The following ACTN1 variants were observed in gnomAD, a reference collection of about 807,000 sequenced individuals.
ACTN1 encodes the protein actinin alpha 1.
Under a neutral mutation model 119.6 loss-of-function variants are expected in ACTN1, and 30 were observed. That is an observed-to-expected ratio of 0.25 (90% CI 0.19 to 0.34). ACTN1 has a LOEUF of 0.34. Among genes scored for constraint, ACTN1 ranks in the 10% least tolerant of loss-of-function variants. The probability of loss-of-function intolerance (pLI) is 1.00; values close to 1 mark genes in which losing one functional copy is unlikely to be tolerated. For missense variants in ACTN1, 764 were observed against 1,223.4 expected (o/e 0.62, Z 5.60); for synonymous variants, 429 against 472.6 (o/e 0.91, Z 1.20).
chr14:68,938,540 G>C (rs4899274), intron 1 of ACTN1, among the ~76,000 whole-genome samples: 13,247 of 152,080 alleles, frequency 0.087, 915 homozygotes, highest in African/African-American at 0.18. Flanking sequence ...CCTATGTCCT[G>C]AAAGACTTAG....
chr14:68,943,120 C>T (rs1198238689), intron 1 of ACTN1, among the ~76,000 whole-genome samples: 1 of 152,202 alleles, frequency 6.6e-6, no homozygotes, highest in Non-Finnish European at 1.5e-5. Flanking sequence ...CCTGGCCTGT[C>T]CACTAGGCCG....
intron 1 of ACTN1, among the ~76,000 whole-genome samples, chr14:68,937,923 C>A (rs921659719): frequency 2.6e-5 from 4 of 152,250 alleles, no homozygotes; most frequent in African/African-American, 9.6e-5. Context: ...GAGTCCTCTG[C>A]AGCATCCACT....
At chr14:68,887,577 C>A in intron 11 of ACTN1, 1 of 1,379,676 alleles carries the variant, frequency 7.2e-7, no homozygotes, top group South Asian at 1.2e-5. Context: ...TCTGGTTGTA[C>A]CAAAAAATAA....
intron 1 of ACTN1, among the ~76,000 whole-genome samples, chr14:68,931,665 G>C (rs2035226112): frequency 6.6e-6 from 1 of 152,150 alleles, no homozygotes; most frequent in Admixed American, 6.5e-5. Flanking sequence ...CTGTAAAATG[G>C]GGATGGTAAT....
chr14:68,950,468 A>ATGTGTATG (rs1429743559), intron 1 of ACTN1, among the ~76,000 whole-genome samples: 2 of 85,658 alleles, frequency 2.3e-5, no homozygotes, highest in African/African-American at 1.6e-4. Context: ...GTGTGTATAT[A>ATGTGTATG]TATATATATA....
intron 8 of ACTN1, among the ~76,000 whole-genome samples, chr14:68,895,647 C>T (rs1351779844): frequency 1.3e-5 from 2 of 152,210 alleles, no homozygotes; most frequent in Non-Finnish European, 2.9e-5. Context: ...AACCCCTTGG[C>T]AGCTACTCAT....
chr14:68,894,074 G>T (rs2032704958), intron 8 of ACTN1, among the ~76,000 whole-genome samples: 1 of 152,194 alleles, frequency 6.6e-6, no homozygotes, highest in Non-Finnish European at 1.5e-5. Context: ...AGGTCAGGTG[G>T]AGAGGTGAGA....
Position 68,878,929 on chromosome 14 carries a change from A to G in ACTN1, c.2361+60T>C. On this transcript the variant is annotated intron_variant, in intron 19 of 21. Coordinates refer to ENST00000394419, the MANE Select transcript of ACTN1 (RefSeq NM_001130004.2). The surrounding 1 kb of genome is among the most constrained non-coding windows in gnomAD (Gnocchi z 4.4). ...GACAGAGAGAAGAGAAAAAGGAAAA[A>G]CGCATTATTTCTTGCCCCAGACGCC... is the stretch of plus-strand genomic sequence containing the variant. The G allele has an allele frequency of 6.2e-7, 1 of 1,610,138 alleles. No homozygotes were observed. The highest frequency in any genetic ancestry group is 2.2e-5 in the East Asian group (1 of 44,700).
At position 68,876,783 on chromosome 14, in the gene ACTN1, C is replaced by G. The variant is rs142074030; in HGVS notation, c.2586+299G>C. ...GGATTGTCAGATGGACTCCAAGAGTCCGATCACACATCCACACCACTCTAT... is the reference window on the plus strand; with the variant it reads ...GGATTGTCAGATGGACTCCAAGAGTGCGATCACACATCCACACCACTCTAT... On this transcript the variant is annotated intron_variant, in intron 21 of 21. Coordinates refer to ENST00000394419, the MANE Select transcript of ACTN1 (RefSeq NM_001130004.2). 9.7e-3 allele frequency among the ~76,000 whole-genome samples: 1,482 copies of G among 152,284 alleles called. 17 individuals are homozygous for G. Among genetic ancestry groups the G allele is most frequent in the Non-Finnish European group, 0.014 (929 of 68,016 alleles).
rs200535004 is a variant in ACTN1 at position 68,891,697 on chromosome 14, T to C, written c.1086+356A>G. Among the ~76,000 whole-genome samples, 6 of 152,304 alleles carry C rather than the reference T, an allele frequency of 3.9e-5. No homozygotes were observed. In the East Asian group the frequency reaches 1.2e-3, roughly 29 times the overall value. On this transcript the variant is annotated intron_variant, in intron 10 of 21. Coordinates refer to ENST00000394419, the MANE Select transcript of ACTN1 (RefSeq NM_001130004.2). Reference sequence around the variant, plus strand: ...TTAACTACTTAAGATTCCATGGAAGTAGAAATCAACTTGACTGCGATTCAA... The same window carrying C: ...TTAACTACTTAAGATTCCATGGAAGCAGAAATCAACTTGACTGCGATTCAA...
rs541541523 is a variant in ACTN1, at chr14:68,885,761, C to T, written c.1235-186G>A. 1.0e-4 allele frequency: 66 copies of T among 645,368 alleles called. No homozygotes were observed. Among genetic ancestry groups the T allele is most frequent in the South Asian group, 7.5e-4 (38 of 50,886 alleles). The allele number at this position is 645,368 out of a possible 1,614,324, so 40.0% of individuals were successfully genotyped here. A position where few individuals can be genotyped will look rare whatever the true frequency, so the allele number is the denominator to read the frequency against. ...CTAGAACATCCACCAACCGGCGCAA[C>T]GGGGAAAAGCACTCTCCTCAGAGCA... is the stretch of plus-strand genomic sequence containing the variant. On this transcript the variant is annotated intron_variant, in intron 11 of 21. Transcript: ENST00000394419. The surrounding 1 kb of genome is among the most constrained non-coding windows in gnomAD (Gnocchi z 5.6).
rs1332296263 is a variant in ACTN1 at position 68,960,492 on chromosome 14, A to G, written c.105+18460T>C. 2.0e-5 allele frequency among the ~76,000 whole-genome samples: 3 copies of G among 152,298 alleles called. No homozygotes were observed. In the East Asian group the frequency reaches 5.8e-4, roughly 29 times the overall value. ...AAATATATATAATTTAAAATTTTCA[A>G]TTTTACCTCAATAAAGCTGGGGGAA... is the stretch of plus-strand genomic sequence containing the variant. On this transcript the variant is annotated intron_variant, in intron 1 of 21. Coordinates refer to ENST00000394419, the MANE Select transcript of ACTN1 (RefSeq NM_001130004.2).
At chr14:68,962,694 A>G (rs967793855) in intron 1 of ACTN1, among the ~76,000 whole-genome samples, 12 of 152,166 alleles carry the variant, frequency 7.9e-5, no homozygotes, top group African/African-American at 2.9e-4. Flanking sequence ...ACCAAGTCCT[A>G]CTTCTCCCCA....
chr14:68,969,525 A>G (rs970571133), intron 1 of ACTN1, among the ~76,000 whole-genome samples: 1 of 152,218 alleles, frequency 6.6e-6, no homozygotes, highest in African/African-American at 2.4e-5. Flanking sequence ...CGGAGTTTAA[A>G]AGGGAGCCAC....
intron 1 of ACTN1, among the ~76,000 whole-genome samples, chr14:68,949,276 A>G (rs971784370): frequency 2.0e-5 from 3 of 152,204 alleles, no homozygotes; most frequent in Admixed American, 6.5e-5. Flanking sequence ...CAGGGCTCCC[A>G]GAAGCTGCAT....
intron 1 of ACTN1, among the ~76,000 whole-genome samples, chr14:68,927,193 C>G (rs1158684061): frequency 6.6e-6 from 1 of 152,164 alleles, no homozygotes; most frequent in East Asian, 1.9e-4. Flanking sequence ...TCCTCTCTAT[C>G]TTGCTTAACT....
At chr14:68,951,639 T>C (rs1174189740) in intron 1 of ACTN1, among the ~76,000 whole-genome samples, 1 of 152,238 alleles carries the variant, frequency 6.6e-6, no homozygotes, top group South Asian at 2.1e-4. Flanking sequence ...CTTTCAGCTC[T>C]GAAACTCCAG....
intron 1 of ACTN1, chr14:68,977,305 C>T (rs190854492): frequency 2.6e-5 from 4 of 152,454 alleles, no homozygotes; most frequent in African/African-American, 9.6e-5. Context: ...GTTCCACCCA[C>T]AGCACCCATG....
chr14:68,877,317 G>C, intron 20 of ACTN1, 77 bp from the exon 21 acceptor site: 3 of 1,566,762 alleles, frequency 1.9e-6, no homozygotes, highest in Non-Finnish European at 2.6e-6. Flanking sequence ...AAGACCCTGG[G>C]GGCTCAGAGC....
Sources: gnomAD v4.1 joint callset for allele counts (sites outside exome capture counted in the v4.1 genomes callset) on GRCh38, gnomAD v4.1.1 for gene constraint, Gnocchi (gnomAD v3.1) non-coding constraint, MANE v1.5 for transcripts, NCBI Gene and HGNC (gene_info 2026-07-23, HGNC 2026-07-21) for gene names.